The following METTL15 variants were observed in gnomAD, a reference collection of about 807,000 sequenced individuals.
METTL15 encodes the protein methyltransferase 15, mitochondrial 12S rRNA N4-cytidine.
METTL15 carries 34 observed loss-of-function variants against 38.3 expected under a neutral mutation model. The observed-to-expected ratio is 0.89, with a 90% CI of 0.68 to 1.18. METTL15 has a LOEUF of 1.18. Among genes scored for constraint, METTL15 ranks in the 50% most tolerant of loss-of-function variants. The pLI, the probability that METTL15 is intolerant of heterozygous loss-of-function variation, is 0.00. For synonymous variants in METTL15, 162 were observed against 170.9 expected, an observed-to-expected ratio of 0.95 and a Z score of 0.41; for missense variants, 438 against 498.4, an observed-to-expected ratio of 0.88 and a Z score of 1.15.
At chr11:28,328,443 T>A (rs546080369) in intron 6 of METTL15, among the ~76,000 whole-genome samples, 1 of 152,276 alleles carries the variant, frequency 6.6e-6, no homozygotes, top group African/African-American at 2.4e-5. Flanking sequence ...GTGTTTAGAT[T>A]ACTGAAATGT....
intron 3 of METTL15, among the ~76,000 whole-genome samples, chr11:28,179,522 A>C (rs1286689594): frequency 1.3e-5 from 2 of 151,816 alleles, no homozygotes; most frequent in African/African-American, 4.8e-5. Context: ...TTCACATGAA[A>C]TCATAAACTA....
intron 6 of METTL15, among the ~76,000 whole-genome samples, chr11:28,322,215 A>C (rs1849494341): frequency 6.6e-6 from 1 of 152,110 alleles, no homozygotes; most frequent in African/African-American, 2.4e-5. Context: ...AACTCTACAA[A>C]ATTAAAAGAC....
At chr11:28,132,387 AT>A (rs1337740840) in intron 3 of METTL15, among the ~76,000 whole-genome samples, 3 of 152,000 alleles carry the variant, frequency 2.0e-5, no homozygotes, top group African/African-American at 7.2e-5. Flanking sequence ...AATATATATA[AT>A]TTTATGTGAG....
intron 3 of METTL15, among the ~76,000 whole-genome samples, chr11:28,130,174 G>T (rs1441718317): frequency 2.0e-5 from 3 of 152,020 alleles, no homozygotes; most frequent in Non-Finnish European, 4.4e-5. Flanking sequence ...TGCTGTATAT[G>T]GTGGTGTACA....
At chr11:28,445,708 G>A (rs1851069546) in intron 6 of METTL15, among the ~76,000 whole-genome samples, 1 of 152,076 alleles carries the variant, frequency 6.6e-6, no homozygotes, top group Non-Finnish European at 1.5e-5. Context: ...CTGGAGTGCA[G>A]TGGCATGATC....
At chr11:28,307,178 G>T (rs572646134) in intron 6 of METTL15, among the ~76,000 whole-genome samples, 39 of 151,604 alleles carry the variant, frequency 2.6e-4, no homozygotes, top group African/African-American at 7.2e-4. Flanking sequence ...TACATTTTTT[G>T]TGTGTGTGAT....
chr11:28,412,305 C>T (rs1850734631), intron 5 of METTL15, among the ~76,000 whole-genome samples: 1 of 151,712 alleles, frequency 6.6e-6, no homozygotes, highest in Non-Finnish European at 1.5e-5. Context: ...ATGATTATTG[C>T]AGCATTATTT....
chr11:28,487,140 G>A (rs1851445833), intron 6 of METTL15, among the ~76,000 whole-genome samples: 1 of 152,034 alleles, frequency 6.6e-6, no homozygotes, highest in African/African-American at 2.4e-5. Context: ...GGGGCAATTT[G>A]GCATCATGTT....
At chr11:28,525,849 G>A (rs1452204978) in intron 6 of METTL15, among the ~76,000 whole-genome samples, 2 of 152,266 alleles carry the variant, frequency 1.3e-5, no homozygotes, top group Admixed American at 6.5e-5. Flanking sequence ...GGAGCAGGGG[G>A]CGGCGCTTGT....
intron 5 of METTL15, among the ~76,000 whole-genome samples, chr11:28,385,275 G>T (rs1281183142): frequency 2.0e-5 from 3 of 152,064 alleles, no homozygotes; most frequent in African/African-American, 7.2e-5. Flanking sequence ...TATTCTTTTG[G>T]GTTTTACATT....
chr11:28,439,080 G>A (rs1314429273), intron 6 of METTL15, among the ~76,000 whole-genome samples: 3 of 152,012 alleles, frequency 2.0e-5, no homozygotes, highest in Non-Finnish European at 2.9e-5. Flanking sequence ...TCCAGCAGAG[G>A]CAGAAAAGTG....
At chr11:28,202,475 G>A (rs1852154477) in intron 3 of METTL15, among the ~76,000 whole-genome samples, 1 of 151,576 alleles carries the variant, frequency 6.6e-6, no homozygotes. Context: ...ATAGCTGTTT[G>A]TTTGCATGTC....
chr11:28,524,857 G>A (rs1483125730), intron 6 of METTL15, among the ~76,000 whole-genome samples: 7 of 152,168 alleles, frequency 4.6e-5, no homozygotes, highest in South Asian at 2.1e-4. Context: ...GAATGAAGCC[G>A]CGGACCCTCG....
At chr11:28,443,052 C>T (rs559276048) in intron 6 of METTL15, among the ~76,000 whole-genome samples, 1 of 152,318 alleles carries the variant, frequency 6.6e-6, no homozygotes, top group East Asian at 1.9e-4. Context: ...TACCCATACA[C>T]TAGTCAAGAT....
chr11:28,115,928 A>G (rs957002491), intron 3 of METTL15, among the ~76,000 whole-genome samples: 1 of 101,024 alleles, frequency 9.9e-6, no homozygotes, highest in African/African-American at 3.6e-5. Context: ...ACACACACAC[A>G]TACACATACA....
intron 6 of METTL15, among the ~76,000 whole-genome samples, chr11:28,319,593 C>T (rs921235717): frequency 3.3e-5 from 5 of 151,536 alleles, no homozygotes; most frequent in Admixed American, 6.6e-5. Context: ...TACCTTTGAA[C>T]GAAAATTAGA....
intron 5 of METTL15, among the ~76,000 whole-genome samples, chr11:28,293,321 C>T (rs1455378856): frequency 6.6e-6 from 1 of 152,130 alleles, no homozygotes; most frequent in Non-Finnish European, 1.5e-5. Flanking sequence ...GAATCCTTTC[C>T]CCATTTCTTG....
chr11:28,202,786 G>A (rs952680231), intron 3 of METTL15, among the ~76,000 whole-genome samples: 1 of 151,990 alleles, frequency 6.6e-6, no homozygotes, highest in Non-Finnish European at 1.5e-5. Flanking sequence ...AGTGAAGTCA[G>A]GCCATATTGT....
At chr11:28,293,322 C>A (rs1026105952) in intron 5 of METTL15, among the ~76,000 whole-genome samples, 5 of 152,114 alleles carry the variant, frequency 3.3e-5, no homozygotes, top group African/African-American at 1.2e-4. Flanking sequence ...AATCCTTTCC[C>A]CATTTCTTGT....
Sources: allele counts gnomAD v4.1 joint callset (sites outside exome capture counted in the v4.1 genomes callset), GRCh38; gene constraint gnomAD v4.1.1; transcripts MANE v1.5; gene names NCBI Gene and HGNC (gene_info 2026-07-23, HGNC 2026-07-21).